The following SREBF2 variants were observed in gnomAD, a reference collection of about 807,000 sequenced individuals.
SREBF2 encodes the protein sterol regulatory element-binding protein 2.
SREBF2 carries 55 observed loss-of-function variants against 113.1 expected under a neutral mutation model. The observed-to-expected ratio is 0.49, with a 90% CI of 0.39 to 0.61. The LOEUF (loss-of-function observed/expected upper bound fraction) is 0.61, where lower values mean the gene tolerates loss of function less well. Ranked by LOEUF, SREBF2 falls within the 20% of genes least tolerant of loss-of-function variation. SREBF2 has a pLI of 0.00. For missense variants in SREBF2, 1,349 were observed against 1,487.4 expected, an observed-to-expected ratio of 0.91 and a Z score of 1.53; for synonymous variants, 593 against 605.7, an observed-to-expected ratio of 0.98 and a Z score of 0.31.
At chr22:41,856,204 GC>G (rs2076976252) in intron 1 of SREBF2, among the ~76,000 whole-genome samples, 4 of 151,654 alleles carry the variant, frequency 2.6e-5, no homozygotes, top group Non-Finnish European at 4.4e-5. Flanking sequence ...TCTGCTCACT[GC>G]AACCTTCACC....
chr22:41,844,318 G>A (rs1170831751), intron 1 of SREBF2, among the ~76,000 whole-genome samples: 1 of 152,154 alleles, frequency 6.6e-6, no homozygotes, highest in Non-Finnish European at 1.5e-5. Flanking sequence ...ACTTCAGTTT[G>A]CACATTGATG....
At chr22:41,850,060 A>G (rs1335944516) in intron 1 of SREBF2, among the ~76,000 whole-genome samples, 1 of 152,060 alleles carries the variant, frequency 6.6e-6, no homozygotes, top group Non-Finnish European at 1.5e-5. Context: ...GAATCGCTTT[A>G]ACCTGGGAGG....
At chr22:41,834,018 G>A (rs2076744610) in intron 1 of SREBF2, 1 of 152,724 alleles carries the variant, frequency 6.5e-6, no homozygotes, top group Admixed American at 6.5e-5. Flanking sequence ...TTTGAGTTGT[G>A]GCCCCTCGGG....
chr22:41,857,409 A>G (rs1013634829), intron 1 of SREBF2, among the ~76,000 whole-genome samples: 2 of 152,116 alleles, frequency 1.3e-5, no homozygotes, highest in Non-Finnish European at 1.5e-5. Context: ...AGAGGCGGGG[A>G]GAGAGAGCAC....
At chr22:41,841,886 C>G (rs971800957) in intron 1 of SREBF2, among the ~76,000 whole-genome samples, 1 of 152,146 alleles carries the variant, frequency 6.6e-6, no homozygotes, top group Admixed American at 6.5e-5. Context: ...ATAGGCAAAC[C>G]CTTGCACACC....
At chr22:41,874,178 T>C (rs1468846104) in intron 5 of SREBF2, among the ~76,000 whole-genome samples, 159 bp downstream of exon 5, 1 of 152,098 alleles carries the variant, frequency 6.6e-6, no homozygotes, top group Non-Finnish European at 1.5e-5. Context: ...GTCAAGATTA[T>C]AAAATATTAA....
chr22:41,880,636 G>C, intron 9 of SREBF2, 80 bp from the exon 10 acceptor site: 1 of 1,560,800 alleles, frequency 6.4e-7, no homozygotes, highest in South Asian at 1.1e-5. Flanking sequence ...ATAATTGGGG[G>C]CAGGGGGAGT....
At chr22:41,871,094 T>A (rs1319048129) in intron 4 of SREBF2, 59 bp downstream of exon 4, 3 of 1,607,188 alleles carry the variant, frequency 1.9e-6, no homozygotes, top group Non-Finnish European at 2.6e-6. Flanking sequence ...GAGGTGTTAG[T>A]CTTCAGAGAT....
intron 16 of SREBF2, 61 bp from the exon 17 acceptor site, chr22:41,902,909 G>A: frequency 6.5e-7 from 1 of 1,544,488 alleles, no homozygotes; most frequent in South Asian, 1.2e-5. Context: ...TAGGTGCTAG[G>A]ATCCTTGCCT....
rs1174473976 is a variant in SREBF2 at position 41,859,799 on chromosome 22, C to CTTTTTT, written c.89-7008_89-7003dup. Among the ~76,000 whole-genome samples, 87 of 54,368 alleles carry CTTTTTT rather than the reference C, an allele frequency of 1.6e-3. 5 individuals carry two copies. Among genetic ancestry groups the CTTTTTT allele is most frequent in the Non-Finnish European group, 2.0e-3 (60 of 29,542 alleles). The allele number at this position is 54,368 out of a possible 152,430, so 35.7% of individuals were successfully genotyped here. On this transcript the variant is annotated intron_variant, in intron 1 of 18. Transcript: ENST00000361204. ...GTTCCAAGGCTAGGATATGGTGATTCTTTTTTTTTTTTTTTTTTTTTTTTT... is the reference window on the plus strand; with the variant it reads ...GTTCCAAGGCTAGGATATGGTGATTCTTTTTTTTTTTTTTTTTTTTTTTTTTTTTTT...
At chr22:41,899,242 T>C in intron 15 of SREBF2, 6 of 1,083,108 alleles carry the variant, frequency 5.5e-6, no homozygotes, top group Non-Finnish European at 6.8e-6. Flanking sequence ...TCCAGCCACC[T>C]CCACCCCCAC....
In SREBF2 at chr22:41,871,114, C is replaced by G. The variant is rs554225440; in HGVS notation, c.867+79C>G. 7 of 1,581,330 alleles carry G rather than the reference C, an allele frequency of 4.4e-6. No homozygotes were observed. The South Asian group carries it at 7.8e-5, about 18-fold the overall frequency. On this transcript the variant is annotated intron_variant, in intron 4 of 18. Coordinates refer to ENST00000361204, the MANE Select transcript of SREBF2 (RefSeq NM_004599.4). ...GTTAGTCTTCAGAGATGTTAAATCTCTATATGCTGAGTAGGTATGGGAGGG... is the reference window on the plus strand; with the variant it reads ...GTTAGTCTTCAGAGATGTTAAATCTGTATATGCTGAGTAGGTATGGGAGGG...
intron 15 of SREBF2, 45 bp downstream of exon 15, chr22:41,898,826 A>AT (rs1170743969): frequency 6.2e-7 from 1 of 1,609,194 alleles, no homozygotes; most frequent in Non-Finnish European, 8.5e-7. Context: ...CTCCAGGGGA[A>AT]TCTTGTTTGA....
intron 1 of SREBF2, among the ~76,000 whole-genome samples, chr22:41,862,372 T>G (rs2077035205): frequency 2.6e-5 from 4 of 152,174 alleles, no homozygotes; most frequent in African/African-American, 7.2e-5. Context: ...CCTACTTTGT[T>G]AAGCAACTTA....
At chr22:41,854,010 G>A (rs1422551446) in intron 1 of SREBF2, among the ~76,000 whole-genome samples, 1 of 149,164 alleles carries the variant, frequency 6.7e-6, no homozygotes, top group Non-Finnish European at 1.5e-5. Context: ...ACTCCATCCT[G>A]GGCGACAGAG....
intron 1 of SREBF2, among the ~76,000 whole-genome samples, chr22:41,839,956 CTTTT>C (rs10588397): frequency 1.7e-5 from 2 of 117,590 alleles, no homozygotes; most frequent in Admixed American, 8.8e-5. Context: ...TGCTTAGTTT[CTTTT>C]TTTTTTTTTT....
intron 11 of SREBF2, chr22:41,886,075 G>A (rs940289779): frequency 6.6e-6 from 1 of 152,186 alleles, no homozygotes; most frequent in Non-Finnish European, 1.5e-5. Flanking sequence ...CATTTGCCTT[G>A]TCCTCAGGGA....
rs1328914087 is a variant in SREBF2 at position 41,870,339 on chromosome 22, C to G, written c.721-550C>G. 4.6e-5 allele frequency among the ~76,000 whole-genome samples: 7 copies of G among 152,134 alleles called. 1 individual carries two copies. The highest frequency in any genetic ancestry group is 4.6e-4 in the Admixed American group (7 of 15,264). On this transcript the variant is annotated intron_variant, in intron 3 of 18. Coordinates refer to ENST00000361204, the MANE Select transcript of SREBF2 (RefSeq NM_004599.4). ...AGTCTTTCAACCTAAAAACCCATGA[C>G]CTGGCTGAGCACCATGGCTCACGCC...
chr22:41,833,553 G>T lies in SREBF2; in HGVS notation c.88+195G>T. The T allele has an allele frequency of 6.4e-6, 3 of 466,916 alleles. No homozygotes were observed. The South Asian group carries it at 1.2e-4, about 19-fold the overall frequency. The allele number at this position is 466,916 out of a possible 1,614,324, so 28.9% of individuals were successfully genotyped here. On this transcript the variant is annotated intron_variant, in intron 1 of 18. Transcript: ENST00000361204. The surrounding 1 kb of genome is among the most constrained non-coding windows in gnomAD (Gnocchi z 4.1). Reference sequence around the variant, plus strand: ...AGCCCGACCCAGCTGCGCCGCTCCGGGAGGCCGTGGGATCTGGGGCGCCGC... The same window carrying T: ...AGCCCGACCCAGCTGCGCCGCTCCGTGAGGCCGTGGGATCTGGGGCGCCGC...
Sources: gnomAD v4.1 joint callset for allele counts (sites outside exome capture counted in the v4.1 genomes callset) on GRCh38, gnomAD v4.1.1 for gene constraint, Gnocchi (gnomAD v3.1) non-coding constraint, MANE v1.5 for transcripts, NCBI Gene and HGNC (gene_info 2026-07-23, HGNC 2026-07-21) for gene names.